MEOX2: variants seen among roughly 807,000 people sequenced by gnomAD.
MEOX2 encodes the protein homeobox protein MOX-2.
In MEOX2, 11 loss-of-function variants were observed where a neutral mutation model predicts 27.0. The observed-to-expected ratio is 0.41, with a 90% CI of 0.26 to 0.68. MEOX2 has a LOEUF of 0.68. Among genes scored for constraint, MEOX2 ranks in the 30% least tolerant of loss-of-function variants. The pLI, the probability that MEOX2 is intolerant of heterozygous loss-of-function variation, is 0.33. For synonymous variants in MEOX2, 189 were observed against 155.4 expected, an observed-to-expected ratio of 1.22 and a Z score of -1.61; for missense variants, 436 against 385.4, an observed-to-expected ratio of 1.13 and a Z score of -1.10.
At chr7:15,682,843 G>A (rs975743331) in intron 1 of MEOX2, among the ~76,000 whole-genome samples, 3 of 151,848 alleles carry the variant, frequency 2.0e-5, no homozygotes, top group South Asian at 4.1e-4. Context: ...CTTTGAAGAC[G>A]TGGCAGATGT....
intron 1 of MEOX2, among the ~76,000 whole-genome samples, chr7:15,660,794 G>C (rs1458400779): frequency 6.6e-6 from 1 of 152,010 alleles, no homozygotes; most frequent in Non-Finnish European, 1.5e-5. Context: ...GGCCGAGGCA[G>C]GCAGATCACC....
intron 1 of MEOX2, among the ~76,000 whole-genome samples, chr7:15,661,139 A>C (rs1374473736): frequency 2.0e-5 from 3 of 151,790 alleles, no homozygotes; most frequent in African/African-American, 4.8e-5. Context: ...AAACTGGGTT[A>C]AGGGAAATAT....
intron 1 of MEOX2, among the ~76,000 whole-genome samples, chr7:15,638,184 T>C (rs1205565210): frequency 5.3e-5 from 8 of 152,152 alleles, no homozygotes; most frequent in African/African-American, 1.7e-4. Flanking sequence ...ATAATTTCTT[T>C]AAGCAATCAG....
chr7:15,652,807 G>A (rs1781753228), intron 1 of MEOX2, among the ~76,000 whole-genome samples: 1 of 151,920 alleles, frequency 6.6e-6, no homozygotes, highest in Non-Finnish European at 1.5e-5. Context: ...TACATCAACA[G>A]CTCCCTCCTC....
intron 1 of MEOX2, among the ~76,000 whole-genome samples, chr7:15,676,623 C>A (rs930629628): frequency 9.9e-5 from 15 of 152,186 alleles, no homozygotes; most frequent in African/African-American, 3.4e-4. Context: ...GTAATCCCAG[C>A]ACTTTGAGAG....
intron 1 of MEOX2, among the ~76,000 whole-genome samples, chr7:15,660,822 G>C (rs762730712): frequency 1.4e-4 from 22 of 151,904 alleles, no homozygotes; most frequent in Non-Finnish European, 3.2e-4. Context: ...AGGAGTTCAA[G>C]ACCAACCTGG....
rs2115401027 is a variant in MEOX2, at chr7:15,685,918, C to T, written c.485G>A (p.Arg162Gln). 2.5e-6 allele frequency: 4 copies of T among 1,608,488 alleles called. No homozygotes were observed. Among genetic ancestry groups the T allele is most frequent in the Non-Finnish European group, 3.4e-6 (4 of 1,177,740 alleles). Reference sequence around the variant, plus strand: ...GTCGCTTTTCCTCTTGCCGCCGCTTCGCTTCTCCGCCTCCGCAGGTGACAG... The same window carrying T: ...GTCGCTTTTCCTCTTGCCGCCGCTTTGCTTCTCCGCCTCCGCAGGTGACAG... Reference protein sequence around the residue: ...QALSPAEAEKRSGGKRKSDSS... With the variant: ...QALSPAEAEKQSGGKRKSDSS... Residue 162 changes from arginine (R) to glutamine (Q), a missense_variant, in exon 1 of 3, where the codon CGA becomes CAA. Physicochemically the swap from Arg to Gln is conservative, Grantham distance 43. Transcript: ENST00000262041.
intron 1 of MEOX2, 144 bp downstream of exon 1, chr7:15,685,742 C>T: frequency 1.7e-6 from 2 of 1,170,792 alleles, no homozygotes; most frequent in Admixed American, 2.3e-5. Context: ...GCTTCACCGC[C>T]GAATTTGGCC....
intron 1 of MEOX2, among the ~76,000 whole-genome samples, chr7:15,658,745 T>C (rs1781863987): frequency 6.6e-6 from 1 of 152,176 alleles, no homozygotes; most frequent in Non-Finnish European, 1.5e-5. Context: ...ATGGTCTCTC[T>C]GCATGTGAGG....
At chr7:15,672,569 C>A (rs965383830) in intron 1 of MEOX2, among the ~76,000 whole-genome samples, 1 of 152,032 alleles carries the variant, frequency 6.6e-6, no homozygotes, top group African/African-American at 2.4e-5. Flanking sequence ...ATATCACATA[C>A]AATCAAAGGT....
At chr7:15,659,414 T>C (rs974273184) in intron 1 of MEOX2, among the ~76,000 whole-genome samples, 1 of 152,146 alleles carries the variant, frequency 6.6e-6, no homozygotes, top group East Asian at 1.9e-4. Context: ...TATATCTGTG[T>C]CTGCTATGTG....
At chr7:15,683,837 A>G (rs1020873313) in intron 1 of MEOX2, among the ~76,000 whole-genome samples, 1 of 152,152 alleles carries the variant, frequency 6.6e-6, no homozygotes, top group Admixed American at 6.5e-5. Context: ...TGTACTTTCC[A>G]CTGAAGTTTT....
At position 15,626,847 on chromosome 7, in the gene MEOX2, C is replaced by A; in HGVS notation, c.589G>T (p.Glu197Ter). 6.2e-7 allele frequency: 1 copy of A among 1,611,472 alleles called. No individual in the cohort carries two copies. The highest frequency in any genetic ancestry group is 8.5e-7 in the Non-Finnish European group (1 of 1,179,218). Residue 197 changes from glutamate (E) to a stop codon, truncating the protein, a stop_gained, in exon 2 of 3, where the codon GAG becomes TAG. Transcript: ENST00000262041. LOFTEE classifies it high-confidence loss of function. Reference sequence around the variant, plus strand: ...TCTGCTTCAAGTTCTCTGATTTGCTCTTTGGTAAATGCTGTCCTTTCTTTC... The same window carrying A: ...TCTGCTTCAAGTTCTCTGATTTGCTATTTGGTAAATGCTGTCCTTTCTTTC... ...PRKERTAFTK[E>*]QIRELEAEFA...
At chr7:15,684,098 G>A (rs1782337928) in intron 1 of MEOX2, among the ~76,000 whole-genome samples, 1 of 152,080 alleles carries the variant, frequency 6.6e-6, no homozygotes, top group South Asian at 2.1e-4. Flanking sequence ...AATAACATGT[G>A]CTTGTATGAA....
At chr7:15,642,555 T>A (rs182875906) in intron 1 of MEOX2, among the ~76,000 whole-genome samples, 62 of 152,330 alleles carry the variant, frequency 4.1e-4, no homozygotes, top group African/African-American at 1.4e-3. Flanking sequence ...AACTTCCTTT[T>A]GGATCTTATT....
Position 15,675,520 on chromosome 7 carries a change from G to C in MEOX2, c.517+10366C>G, listed in dbSNP as rs114052418. Among the ~76,000 whole-genome samples the C allele has an allele frequency of 7.3e-3, 1,110 of 152,274 alleles. 9 individuals carry two copies. The highest frequency in any genetic ancestry group is 0.025 in the African/African-American group (1,054 of 41,548). On this transcript the variant is annotated intron_variant, in intron 1 of 2. Transcript: ENST00000262041. ...ATATTTTACGAGATTTTCCTTTTAA[G>C]GGCACTAGGCTGAAGTCAGGATATG...
rs528673575 is a variant in MEOX2, at chr7:15,627,329, A to G, written c.518-411T>C. ...CCTTTAAAAAGTGGCATCTCAATAT[A>G]GGAGTATTTGAGAAATTCAAACGTT... is the stretch of plus-strand genomic sequence containing the variant. On this transcript the variant is annotated intron_variant, in intron 1 of 2. Coordinates refer to ENST00000262041, the MANE Select transcript of MEOX2 (RefSeq NM_005924.5). 1.7e-3 allele frequency among the ~76,000 whole-genome samples: 260 copies of G among 152,222 alleles called. 1 individual carries two copies. The highest frequency in any genetic ancestry group is 5.9e-3 in the African/African-American group (247 of 41,562).
At chr7:15,619,953 C>G (rs1201520688) in intron 2 of MEOX2, among the ~76,000 whole-genome samples, 2 of 152,016 alleles carry the variant, frequency 1.3e-5, no homozygotes, top group African/African-American at 4.8e-5. Flanking sequence ...TATTATTGAT[C>G]TTAAGTTACT....
intron 2 of MEOX2, among the ~76,000 whole-genome samples, chr7:15,615,647 C>G (rs1400376587): frequency 1.3e-5 from 2 of 151,978 alleles, no homozygotes; most frequent in African/African-American, 4.8e-5. Context: ...CTTGGCTTTA[C>G]TTCTCCATTT....
Sources: allele counts gnomAD v4.1 joint callset (sites outside exome capture counted in the v4.1 genomes callset), GRCh38; gene constraint gnomAD v4.1.1; transcripts MANE v1.5; gene names NCBI Gene and HGNC (gene_info 2026-07-23, HGNC 2026-07-21).